Variants in STYK1 observed in about 807,000 individuals in gnomAD.
STYK1 encodes tyrosine-protein kinase STYK1.
In STYK1, 46 loss-of-function variants were observed where a neutral mutation model predicts 48.1. The ratio of observed to expected loss-of-function variants is 0.96; its 90% CI spans 0.75 to 1.22. The LOEUF is 1.22. Ranked by LOEUF, STYK1 falls within the 50% of genes most tolerant of loss-of-function variation. The pLI, the probability that STYK1 is intolerant of heterozygous loss-of-function variation, is 0.00. For synonymous variants in STYK1, 188 were observed against 189.0 expected (o/e 0.99, Z 0.04); for missense variants, 527 against 521.1 (o/e 1.01, Z -0.11).
intron 1 of STYK1, among the ~76,000 whole-genome samples, chr12:10,642,320 C>T (rs1048161883): frequency 2.6e-5 from 4 of 152,188 alleles, no homozygotes; most frequent in African/African-American, 4.8e-5. Flanking sequence ...TCATTCCTAT[C>T]ATTCATGATG....
intron 1 of STYK1, among the ~76,000 whole-genome samples, chr12:10,670,278 C>T (rs1052275937): frequency 3.9e-5 from 6 of 152,044 alleles, no homozygotes; most frequent in Non-Finnish European, 5.9e-5. Flanking sequence ...GCTGTCTGCA[C>T]GCCATGTTTA....
chr12:10,631,351 G>A (rs1947427160), intron 4 of STYK1, 43 bp from the exon 5 acceptor site: 1 of 1,597,134 alleles, frequency 6.3e-7, no homozygotes, highest in East Asian at 2.2e-5. Context: ...CCCCGCCCTG[G>A]GGATCCCGGA....
Position 10,634,099 on chromosome 12 carries a change from C to A in STYK1, c.78G>T (p.Val26=), listed in dbSNP as rs749232736. Residue 26 remains valine (V), a synonymous_variant, in exon 4 of 11, where the codon GTG becomes GTT. Transcript: ENST00000075503. ...LCVIQEKQYE[V]IIVPTLLVTI... ...TAACCAACAAAGTTGGGACGATAAT[C>A]ACTTCATACTGCTTCTCCTGGATGA... 6.2e-7 allele frequency: 1 copy of A among 1,614,066 alleles called. No individual in the cohort carries two copies. Among genetic ancestry groups the A allele is most frequent in the Admixed American group, 1.7e-5 (1 of 60,016 alleles).
intron 1 of STYK1, among the ~76,000 whole-genome samples, chr12:10,663,572 C>A (rs1436931946): frequency 1.6e-5 from 2 of 125,764 alleles, no homozygotes; most frequent in Non-Finnish European, 3.2e-5. Flanking sequence ...GCACTCCAGC[C>A]TGGGCGACAG....
chr12:10,633,851 C>T, intron 4 of STYK1, 139 bp downstream of exon 4: 1 of 1,021,892 alleles, frequency 9.8e-7, no homozygotes, highest in South Asian at 1.8e-5. Flanking sequence ...CCCCTCTCAA[C>T]TCCATGGGAG....
Position 10,668,393 on chromosome 12 carries a change from T to C in STYK1, c.-195+5573A>G, listed in dbSNP as rs548908990. 2.8e-3 allele frequency among the ~76,000 whole-genome samples: 422 copies of C among 151,484 alleles called. 4 individuals are homozygous for C. The highest frequency in any genetic ancestry group is 9.9e-3 in the African/African-American group (406 of 41,142). On this transcript the variant is annotated intron_variant, in intron 1 of 10. Coordinates refer to ENST00000075503, the MANE Select transcript of STYK1 (RefSeq NM_018423.3). ...TTCTACTTCTTCTTCTTTTTTTTTT[T>C]AGACAGAGTTTCACTCTTGTTGCCT...
Position 10,631,069 on chromosome 12 carries a change from T to C in STYK1, c.427A>G (p.Ser143Gly), listed in dbSNP as rs868017706. The C allele has an allele frequency of 6.2e-7, 1 of 1,614,112 alleles. No homozygotes were observed. Among genetic ancestry groups the C allele is most frequent in the Middle Eastern group, 1.7e-4 (1 of 6,006 alleles). Residue 143 changes from serine (S) to glycine (G), a missense_variant, in exon 5 of 11, where the codon AGT becomes GGT. Physicochemically the swap from Ser to Gly is moderately conservative, Grantham distance 56 (BLOSUM62 0). Coordinates refer to ENST00000075503, the MANE Select transcript of STYK1 (RefSeq NM_018423.3). ...MNTGDPSKPKSVILKALKEPA... is the reference protein window; with the variant it reads ...MNTGDPSKPKGVILKALKEPA... ...CCTTTTAAAGCCTTGAGAATAACAC[T>C]CTTGGGCTTAGAAGGGTCCCCAGTG...
intron 1 of STYK1, among the ~76,000 whole-genome samples, chr12:10,657,321 C>A (rs1419653683): frequency 6.6e-6 from 1 of 152,168 alleles, no homozygotes. Context: ...AAAAATCTTA[C>A]AACTACTGGA....
At chr12:10,625,923 AC>A (rs1323528379) in intron 7 of STYK1, among the ~76,000 whole-genome samples, 15 of 152,202 alleles carry the variant, frequency 9.9e-5, no homozygotes, top group African/African-American at 3.6e-4. Context: ...GAGCCATGGC[AC>A]CCTATGATAA....
intron 3 of STYK1, among the ~76,000 whole-genome samples, 153 bp downstream of exon 3, chr12:10,634,414 C>T (rs1947463691): frequency 6.6e-6 from 1 of 152,202 alleles, no homozygotes; most frequent in Non-Finnish European, 1.5e-5. Context: ...TACCCTCTCC[C>T]CAAAAAGACA....
At chr12:10,629,815 G>A in intron 5 of STYK1, 141 bp from the exon 6 acceptor site, 1 of 750,088 alleles carries the variant, frequency 1.3e-6, no homozygotes, top group Non-Finnish European at 2.2e-6. Context: ...ACACAAAGGG[G>A]ACTAATTAGA....
At chr12:10,639,689 C>G (rs905405713) in intron 1 of STYK1, among the ~76,000 whole-genome samples, 2 of 152,158 alleles carry the variant, frequency 1.3e-5, no homozygotes, top group African/African-American at 2.4e-5. Flanking sequence ...ACTGGGATTA[C>G]AGGCGTGAGC....
intron 1 of STYK1, among the ~76,000 whole-genome samples, chr12:10,652,787 C>G (rs1210682175): frequency 1.3e-5 from 2 of 149,964 alleles, no homozygotes; most frequent in African/African-American, 4.9e-5. Context: ...TGGAAAAAAT[C>G]TAAGATAAAT....
Position 10,634,256 on chromosome 12 carries a change from T to A in STYK1, c.53-132A>T. On this transcript the variant is annotated intron_variant, in intron 3 of 10. Transcript: ENST00000075503. ...CATCTCTTCTACCATCTCCTCTACT[T>A]CCATTCAACAGAAACACTGCTGGGA... 3.7e-6 allele frequency: 4 copies of A among 1,077,800 alleles called. No individual in the cohort carries two copies. The South Asian group carries it at 6.3e-5, about 17-fold the overall frequency. The allele number at this position is 1,077,800 out of a possible 1,614,324, so 66.8% of individuals were successfully genotyped here.
rs6488314 is a variant in STYK1, at chr12:10,640,084, T to C, written c.-194-2888A>G. Reference sequence around the variant, plus strand: ...TCCTAGTATTCACCAGATTATGTCATCTTGGGTTGTTTCCTTTGTTCATTT... The same window carrying C: ...TCCTAGTATTCACCAGATTATGTCACCTTGGGTTGTTTCCTTTGTTCATTT... On this transcript the variant is annotated intron_variant, in intron 1 of 10. Coordinates refer to ENST00000075503, the MANE Select transcript of STYK1 (RefSeq NM_018423.3). 4.8e-3 allele frequency among the ~76,000 whole-genome samples: 726 copies of C among 152,302 alleles called. 7 individuals carry two copies. Among genetic ancestry groups the C allele is most frequent in the African/African-American group, 0.017 (686 of 41,562 alleles).
intron 4 of STYK1, 60 bp from the exon 5 acceptor site, chr12:10,631,368 A>T: frequency 6.3e-7 from 1 of 1,577,678 alleles, no homozygotes. Flanking sequence ...CGGAAAGCAG[A>T]CCCTGAAACA....
At chr12:10,626,320 A>C (rs182117623) in intron 7 of STYK1, among the ~76,000 whole-genome samples, 4 of 152,326 alleles carry the variant, frequency 2.6e-5, no homozygotes, top group East Asian at 1.9e-4. Flanking sequence ...TTCTGAATAC[A>C]GGGTAGGCTG....
At chr12:10,645,195 C>A (rs1169702396) in intron 1 of STYK1, among the ~76,000 whole-genome samples, 1 of 152,190 alleles carries the variant, frequency 6.6e-6, no homozygotes, top group Non-Finnish European at 1.5e-5. Context: ...GTAGCAGATA[C>A]AGGCAACATG....
At chr12:10,650,197 C>A (rs965939960) in intron 1 of STYK1, among the ~76,000 whole-genome samples, 4 of 150,550 alleles carry the variant, frequency 2.7e-5, no homozygotes, top group African/African-American at 7.3e-5. Flanking sequence ...CATTATCTTG[C>A]CGACCTGGGA....
Sources: allele counts gnomAD v4.1 joint callset (sites outside exome capture counted in the v4.1 genomes callset), GRCh38; gene constraint gnomAD v4.1.1; transcripts MANE v1.5; gene names NCBI Gene and HGNC (gene_info 2026-07-23, HGNC 2026-07-21).